The following PPP1R13B variants were observed in gnomAD, a reference collection of about 807,000 sequenced individuals.
The protein encoded by PPP1R13B is protein phosphatase 1 regulatory subunit 13B, also known as apoptosis-stimulating of p53 protein 1.
PPP1R13B carries 44 observed loss-of-function variants against 119.8 expected under a neutral mutation model. The observed-to-expected ratio is 0.37, with a 90% CI of 0.29 to 0.47. The LOEUF is 0.47. PPP1R13B is among the 20% of genes least tolerant of loss of function. The pLI is 0.99. For synonymous variants in PPP1R13B, 542 were observed against 561.5 expected, an observed-to-expected ratio of 0.97 and a Z score of 0.49; for missense variants, 1,227 against 1,413.5, an observed-to-expected ratio of 0.87 and a Z score of 2.12.
rs1159931565 is a variant in PPP1R13B, at chr14:103,733,503, A to G, written c.*1651T>C. The G allele has an allele frequency of 2.6e-5, 4 of 155,352 alleles. No homozygotes were observed. Among genetic ancestry groups the G allele is most frequent in the Non-Finnish European group, 5.7e-5 (4 of 69,888 alleles). The allele number at this position is 155,352 out of a possible 1,614,324, so 9.6% of individuals were successfully genotyped here. ...CACAGACTTGTCCACTTACCTTGTC[A>G]CTAATTTGGGGCTTCTGGGCTGTGA... On this transcript the variant is annotated 3_prime_UTR_variant, in exon 17 of 17. Coordinates refer to ENST00000202556, the MANE Select transcript of PPP1R13B (RefSeq NM_015316.3).
At chr14:103,839,501 C>T (rs1455572978) in intron 1 of PPP1R13B, among the ~76,000 whole-genome samples, 1 of 151,850 alleles carries the variant, frequency 6.6e-6, no homozygotes, top group Admixed American at 6.6e-5. Context: ...GTGGTGCATG[C>T]CTGTAATCCC....
At chr14:103,811,935 C>T (rs1398439619) in intron 1 of PPP1R13B, among the ~76,000 whole-genome samples, 3 of 150,466 alleles carry the variant, frequency 2.0e-5, no homozygotes, top group Non-Finnish European at 4.4e-5. Context: ...TGGTGGGCGC[C>T]TATAGTCCCA....
In PPP1R13B at chr14:103,740,537, G is replaced by C. The variant is rs1382312864; in HGVS notation, c.1879C>G (p.Leu627Val). 2 of 1,574,768 alleles carry C rather than the reference G, an allele frequency of 1.3e-6. No homozygotes were observed. The highest frequency in any genetic ancestry group is 1.1e-5 in the South Asian group (1 of 87,968). ...GTGCCCGTGGACAGTGACCCGTGAA[G>C]AAACGGCAGCGGCGATGGAGAGGTT... The part of the protein sequence containing the change: ...GSTSPSPLPF[L>V]HGSLSTGTPQ... The change falls in exon 12 of 17, where the codon CTT (leucine) becomes GTT (valine). Residue 627 changes from leucine (L) to valine (V), a missense_variant. By Grantham distance (32) the Leu-to-Val change is conservative. Coordinates refer to ENST00000202556, the MANE Select transcript of PPP1R13B (RefSeq NM_015316.3). This position sits in a 1 kb window ranked among gnomAD's most constrained non-coding sequence, Gnocchi z 4.6.
At chr14:103,753,868 C>A (rs1361653499) in intron 6 of PPP1R13B, among the ~76,000 whole-genome samples, 1 of 152,184 alleles carries the variant, frequency 6.6e-6, no homozygotes, top group Non-Finnish European at 1.5e-5. Context: ...ACCTCAGCCT[C>A]TCAAGTAGCT....
In PPP1R13B at chr14:103,794,564, G is replaced by T. The variant is rs1160924053; in HGVS notation, c.157+2807C>A. The stretch of plus-strand genomic sequence containing the variant: ...GCTGGTCTCAAACTCCTGACCTCAG[G>T]TGATCCACCCACCTCGGCCTCCCAA... On this transcript the variant is annotated intron_variant, in intron 2 of 16. Coordinates refer to ENST00000202556, the MANE Select transcript of PPP1R13B (RefSeq NM_015316.3). The T allele has an allele frequency of 2.2e-5, 9 of 406,570 alleles. No individual in the cohort carries two copies. The East Asian group carries it at 6.4e-4, about 29-fold the overall frequency. The allele number at this position is 406,570 out of a possible 1,614,324, so 25.2% of individuals were successfully genotyped here.
At chr14:103,791,460 C>T (rs778965034) in intron 2 of PPP1R13B, among the ~76,000 whole-genome samples, 11 of 152,242 alleles carry the variant, frequency 7.2e-5, no homozygotes, top group Non-Finnish European at 1.5e-5. Context: ...GGAGCAGTGG[C>T]TCACGCCTAT....
At chr14:103,736,308 G>T in intron 15 of PPP1R13B, 106 bp from the exon 16 acceptor site, 1 of 1,253,516 alleles carries the variant, frequency 8.0e-7, no homozygotes, top group Non-Finnish European at 1.1e-6. Context: ...GCTGCTCTCA[G>T]CAGGCCCCAC....
At chr14:103,756,646 T>C (rs1460821583) in intron 5 of PPP1R13B, among the ~76,000 whole-genome samples, 1 of 152,186 alleles carries the variant, frequency 6.6e-6, no homozygotes, top group East Asian at 1.9e-4. Flanking sequence ...CCCTGATCAG[T>C]GTTTTCATCA....
chr14:103,795,528 C>G (rs116612445), intron 2 of PPP1R13B, among the ~76,000 whole-genome samples: 1 of 152,076 alleles, frequency 6.6e-6, no homozygotes, highest in African/African-American at 2.4e-5. Flanking sequence ...ATGAGAGAGA[C>G]AAGCATTCTC....
intron 1 of PPP1R13B, among the ~76,000 whole-genome samples, chr14:103,820,268 C>A (rs918725684): frequency 6.6e-6 from 1 of 152,178 alleles, no homozygotes; most frequent in African/African-American, 2.4e-5. Flanking sequence ...AAAGCCCCAG[C>A]TCCACGAAGT....
At chr14:103,832,664 C>T (rs991323321) in intron 1 of PPP1R13B, among the ~76,000 whole-genome samples, 1 of 152,144 alleles carries the variant, frequency 6.6e-6, no homozygotes, top group East Asian at 1.9e-4. Flanking sequence ...TACATCTCAG[C>T]TTAAGATCCA....
At chr14:103,843,821 C>T (rs984181879) in intron 1 of PPP1R13B, among the ~76,000 whole-genome samples, 15 of 151,950 alleles carry the variant, frequency 9.9e-5, no homozygotes, top group African/African-American at 3.4e-4. Context: ...GGCGTGGCGG[C>T]GCACGCCTGT....
In PPP1R13B at chr14:103,740,731, A is replaced by G; in HGVS notation, c.1823-138T>C. On this transcript the variant is annotated intron_variant, in intron 11 of 16. Coordinates refer to ENST00000202556, the MANE Select transcript of PPP1R13B (RefSeq NM_015316.3). The surrounding 1 kb of genome is among the most constrained non-coding windows in gnomAD (Gnocchi z 4.6). Reference sequence around the variant, plus strand: ...TGCTGTTATTCAATTCTCATTTCAAATCTCTGAGGAAACCTCCCCCTCTTA... The same window carrying G: ...TGCTGTTATTCAATTCTCATTTCAAGTCTCTGAGGAAACCTCCCCCTCTTA... 1.3e-6 allele frequency: 1 copy of G among 761,552 alleles called. No individual in the cohort carries two copies. Among genetic ancestry groups the G allele is most frequent in the Non-Finnish European group, 1.8e-6 (1 of 544,750 alleles). 47.2% of individuals were successfully genotyped at this position (761,552 alleles called of 1,614,324 possible).
chr14:103,748,770 A>T (rs1478432442), intron 8 of PPP1R13B, among the ~76,000 whole-genome samples: 1 of 152,082 alleles, frequency 6.6e-6, no homozygotes. Flanking sequence ...AAGACTCAGG[A>T]CTCCCTGCCT....
Position 103,760,766 on chromosome 14 carries a change from C to T in PPP1R13B, c.355-3015G>A, listed in dbSNP as rs117220743. Among the ~76,000 whole-genome samples, 13 of 152,324 alleles carry T rather than the reference C, an allele frequency of 8.5e-5. No homozygotes were observed. The East Asian group carries it at 1.7e-3, about 20-fold the overall frequency. On this transcript the variant is annotated intron_variant, in intron 4 of 16. Coordinates refer to ENST00000202556, the MANE Select transcript of PPP1R13B (RefSeq NM_015316.3). ...CATCACTTGTTTTCCACAATAAACA[C>T]GGCCCACCCCGCCTCAGGTCTAGCT...
At position 103,812,127 on chromosome 14, in the gene PPP1R13B, GTT is replaced by G. The variant is rs754523884; in HGVS notation, c.10-14611_10-14610del. Among the ~76,000 whole-genome samples the G allele has an allele frequency of 5.4e-3, 650 of 121,308 alleles. 1 individual carries two copies. The highest frequency in any genetic ancestry group is 0.014 in the African/African-American group (429 of 29,866). The allele number at this position is 121,308 out of a possible 152,430, so 79.6% of individuals were successfully genotyped here. ...GCTAATGTTTTTGTTTCTGTGTGTG[GTT>G]TTTTTTTTTTTTTTTTTCTAGACAG... On this transcript the variant is annotated intron_variant, in intron 1 of 16. Transcript: ENST00000202556.
chr14:103,736,994 T>G (rs1324324330), intron 15 of PPP1R13B: 1 of 152,388 alleles, frequency 6.6e-6, no homozygotes, highest in African/African-American at 2.4e-5. Flanking sequence ...TAAAGCAGCT[T>G]AATTAGGACA....
intron 1 of PPP1R13B, among the ~76,000 whole-genome samples, chr14:103,825,641 G>A (rs1021166797): frequency 6.6e-6 from 1 of 152,174 alleles, no homozygotes; most frequent in African/African-American, 2.4e-5. Context: ...TGAGAAAGGT[G>A]AGGAAGCTGC....
intron 1 of PPP1R13B, among the ~76,000 whole-genome samples, chr14:103,837,076 A>G (rs1404280665): frequency 1.3e-5 from 2 of 152,250 alleles, no homozygotes; most frequent in Non-Finnish European, 2.9e-5. Context: ...CACCTCTACA[A>G]AAAGTGTACA....
Sources: allele counts gnomAD v4.1 joint callset (sites outside exome capture counted in the v4.1 genomes callset), GRCh38; gene constraint gnomAD v4.1.1; non-coding constraint Gnocchi (gnomAD v3.1); transcripts MANE v1.5; gene names NCBI Gene and HGNC (gene_info 2026-07-23, HGNC 2026-07-21).